The following PPP3R1 variants were observed in gnomAD, a reference collection of about 807,000 sequenced individuals.
PPP3R1 encodes the protein protein phosphatase 3 regulatory subunit B, alpha.
Under a neutral mutation model 22.6 loss-of-function variants are expected in PPP3R1, and 5 were observed. The observed-to-expected ratio is 0.22, with a 90% CI of 0.12 to 0.46. The LOEUF (loss-of-function observed/expected upper bound fraction) is 0.46, where lower values mean the gene tolerates loss of function less well. PPP3R1 is among the 20% of genes least tolerant of loss of function. The pLI is 0.99. For missense variants in PPP3R1, 61 were observed against 203.2 expected (o/e 0.30, Z 4.25); for synonymous variants, 56 against 65.2 (o/e 0.86, Z 0.68).
intron 2 of PPP3R1, 53 bp downstream of exon 2, chr2:68,217,039 C>CACACAG (rs374427852): frequency 2.8e-6 from 3 of 1,084,892 alleles, no homozygotes; most frequent in South Asian, 1.6e-5. Flanking sequence ...CACACACACA[C>CACACAG]AGAGAGAGAT....
chr2:68,240,957 A>G (rs1670113145), intron 1 of PPP3R1, among the ~76,000 whole-genome samples: 2 of 152,262 alleles, frequency 1.3e-5, no homozygotes. Flanking sequence ...ATAGTAGAAA[A>G]GGTCGCAGAA....
intron 1 of PPP3R1, among the ~76,000 whole-genome samples, chr2:68,217,755 T>C (rs1669607114): frequency 6.6e-6 from 1 of 152,118 alleles, no homozygotes; most frequent in Non-Finnish European, 1.5e-5. Flanking sequence ...TAACTTAACA[T>C]AATTTATCTG....
intron 1 of PPP3R1, among the ~76,000 whole-genome samples, chr2:68,234,073 G>T (rs1669968973): frequency 6.6e-6 from 1 of 152,192 alleles, no homozygotes; most frequent in Non-Finnish European, 1.5e-5. Flanking sequence ...GCCGGGCACG[G>T]TGGCTCACGC....
At position 68,202,792 on chromosome 2, in the gene PPP3R1, A is replaced by ATTTTTT. The variant is rs71395958; in HGVS notation, c.44-14108_44-14103dup. Among the ~76,000 whole-genome samples the ATTTTTT allele has an allele frequency of 2.9e-3, 238 of 81,204 alleles. 33 individuals are homozygous for ATTTTTT. The highest frequency in any genetic ancestry group is 0.012 in the African/African-American group (188 of 16,158). 53.3% of individuals were successfully genotyped at this position (81,204 alleles called of 152,430 possible). ...TAATATATACTAGAGAGTTCAGGGA[A>ATTTTTT]TTTTTTTTTTTTTTTTTTTTTTTTT... is the stretch of plus-strand genomic sequence containing the variant. On this transcript the variant is annotated intron_variant, in intron 2 of 5. Coordinates refer to ENST00000234310, the MANE Select transcript of PPP3R1 (RefSeq NM_000945.4).
At chr2:68,190,421 CG>C (rs1674640107) in intron 2 of PPP3R1, among the ~76,000 whole-genome samples, 2 of 151,932 alleles carry the variant, frequency 1.3e-5, no homozygotes, top group South Asian at 2.1e-4. Flanking sequence ...AAAAATTAGC[CG>C]GGAGTGATGG....
chr2:68,213,413 T>C (rs1392446979), intron 2 of PPP3R1, among the ~76,000 whole-genome samples: 1 of 151,886 alleles, frequency 6.6e-6, no homozygotes, highest in Admixed American at 6.6e-5. Context: ...AAGGAGAGAG[T>C]TGTGGGAATG....
Position 68,236,899 on chromosome 2 carries a change from TAAAG to T in PPP3R1, c.3+15222_3+15225del, listed in dbSNP as rs370764151. The stretch of plus-strand genomic sequence containing the variant: ...GAAGTTTTGCTCCCTAATAAGTACT[TAAAG>T]AAGCATTCCCTGCTCTTCTTTGGCC... On this transcript the variant is annotated intron_variant, in intron 1 of 5. Transcript: ENST00000234310. Among the ~76,000 whole-genome samples the T allele has an allele frequency of 5.4e-3, 822 of 152,200 alleles. 9 individuals carry two copies. Among genetic ancestry groups the T allele is most frequent in the African/African-American group, 0.019 (793 of 41,538 alleles).
chr2:68,185,322 T>C, intron 5 of PPP3R1, among the ~76,000 whole-genome samples: 1 of 149,846 alleles, frequency 6.7e-6, no homozygotes, highest in East Asian at 1.9e-4. Context: ...ATTATTTCTA[T>C]ATATAAAAGA....
intron 1 of PPP3R1, among the ~76,000 whole-genome samples, chr2:68,243,993 G>T (rs958931902): frequency 2.0e-5 from 3 of 152,010 alleles, no homozygotes; most frequent in African/African-American, 7.3e-5. Context: ...GGGTGGCCAG[G>T]GAAGACTTAC....
intron 1 of PPP3R1, among the ~76,000 whole-genome samples, chr2:68,229,963 T>TACACACAC (rs1381204435): frequency 8.8e-5 from 6 of 68,282 alleles, no homozygotes; most frequent in Non-Finnish European, 1.1e-4. Flanking sequence ...TGTGTGTATA[T>TACACACAC]ATACACACAT....
At chr2:68,241,267 A>G (rs1256469324) in intron 1 of PPP3R1, among the ~76,000 whole-genome samples, 2 of 152,222 alleles carry the variant, frequency 1.3e-5, no homozygotes, top group African/African-American at 2.4e-5. Flanking sequence ...CAATGTAAAT[A>G]GTATTTATAC....
At chr2:68,186,036 A>G (rs1027887643) in intron 5 of PPP3R1, among the ~76,000 whole-genome samples, 2 of 152,206 alleles carry the variant, frequency 1.3e-5, no homozygotes, top group African/African-American at 4.8e-5. Context: ...TTACTGACAG[A>G]AAAATTTCAA....
chr2:68,238,534 T>A (rs1251571505), intron 1 of PPP3R1, among the ~76,000 whole-genome samples: 16 of 152,178 alleles, frequency 1.1e-4, no homozygotes, highest in Admixed American at 1.0e-3. Context: ...AGAGCCCGAC[T>A]GTCATGCAAA....
Position 68,232,398 on chromosome 2 carries a change from A to C in PPP3R1, c.4-15267T>G, listed in dbSNP as rs1572973909. 3.4e-5 allele frequency among the ~76,000 whole-genome samples: 5 copies of C among 148,718 alleles called. No homozygotes were observed. In the South Asian group the frequency reaches 1.1e-3, roughly 32 times the overall value. ...GGAGGTTGCAGTGAGCCAAGATCAC[A>C]CCACTGCACTCCAGCCTGCGCAACA... On this transcript the variant is annotated intron_variant, in intron 1 of 5. Coordinates refer to ENST00000234310, the MANE Select transcript of PPP3R1 (RefSeq NM_000945.4).
intron 1 of PPP3R1, among the ~76,000 whole-genome samples, chr2:68,222,547 T>C (rs906268701): frequency 1.3e-5 from 2 of 152,224 alleles, no homozygotes; most frequent in African/African-American, 2.4e-5. Flanking sequence ...TCTGCCTCAC[T>C]GCCTGAGCTG....
chr2:68,229,563 T>G (rs1669847530), intron 1 of PPP3R1, among the ~76,000 whole-genome samples: 1 of 152,194 alleles, frequency 6.6e-6, no homozygotes, highest in Non-Finnish European at 1.5e-5. Flanking sequence ...TTCATATATT[T>G]TGCAGTTCTA....
intron 1 of PPP3R1, among the ~76,000 whole-genome samples, chr2:68,220,629 G>T (rs908533384): frequency 6.6e-6 from 1 of 152,120 alleles, no homozygotes; most frequent in Non-Finnish European, 1.5e-5. Context: ...GTTCTTTAAA[G>T]GAATAAAACA....
intron 1 of PPP3R1, among the ~76,000 whole-genome samples, chr2:68,224,525 G>A (rs577707043): frequency 6.6e-6 from 1 of 152,014 alleles, no homozygotes; most frequent in Non-Finnish European, 1.5e-5. Flanking sequence ...CTAGCCGGGC[G>A]TGGTGGCAGG....
In PPP3R1 at chr2:68,234,398, T is replaced by C. The variant is rs116413494; in HGVS notation, c.4-17267A>G. Among the ~76,000 whole-genome samples the C allele has an allele frequency of 1.5e-3, 232 of 151,498 alleles. 1 individual carries two copies. Among genetic ancestry groups the C allele is most frequent in the Non-Finnish European group, 2.3e-3 (155 of 67,942 alleles). Reference sequence around the variant, plus strand: ...ACAAGGTCACGCAGCTGGGTAGTGGTAGAGACCAAATTTGAACTCAAGCTA... The same window carrying C: ...ACAAGGTCACGCAGCTGGGTAGTGGCAGAGACCAAATTTGAACTCAAGCTA... On this transcript the variant is annotated intron_variant, in intron 1 of 5. Transcript: ENST00000234310.
Sources: allele counts gnomAD v4.1 joint callset (sites outside exome capture counted in the v4.1 genomes callset), GRCh38; gene constraint gnomAD v4.1.1; transcripts MANE v1.5; gene names NCBI Gene and HGNC (gene_info 2026-07-23, HGNC 2026-07-21).